The following KLRG1 variants were observed in gnomAD, a reference collection of about 807,000 sequenced individuals.
The protein encoded by KLRG1 is killer cell lectin-like receptor subfamily G member 1.
In KLRG1, 16 loss-of-function variants were observed where a neutral mutation model predicts 21.8. The observed-to-expected ratio is 0.73, with a 90% CI of 0.50 to 1.11. KLRG1 has a LOEUF of 1.11. Ranked by LOEUF, KLRG1 falls within the 50% of genes most tolerant of loss-of-function variation. The probability of loss-of-function intolerance (pLI) is 0.00; values close to 1 mark genes in which losing one functional copy is unlikely to be tolerated. For synonymous variants in KLRG1, 69 were observed against 75.9 expected (o/e 0.91, Z 0.47); for missense variants, 173 against 218.3 (o/e 0.79, Z 1.31).
chr12:9,080,575 T>C, the KLRG1 span, among the ~76,000 whole-genome samples: 1 of 152,164 alleles, frequency 6.6e-6, no homozygotes, highest in Non-Finnish European at 1.5e-5. Flanking sequence ...CAAAGCCCTA[T>C]AAGTATACAT....
At chr12:9,150,651 A>T in the KLRG1 span, 18 of 1,597,172 alleles carry the variant, frequency 1.1e-5, no homozygotes, top group East Asian at 3.3e-4. Flanking sequence ...CACCTGTCTC[A>T]TAGTAATCAT....
chr12:9,076,766 A>G, the KLRG1 span: 1 of 1,613,908 alleles, frequency 6.2e-7, no homozygotes. Context: ...CTTTCTTCAC[A>G]GCTTCCTCAT....
At chr12:9,084,779 A>G in the KLRG1 span, among the ~76,000 whole-genome samples, 2 of 152,178 alleles carry the variant, frequency 1.3e-5, no homozygotes, top group Non-Finnish European at 2.9e-5. Flanking sequence ...TGCTAATTAC[A>G]AGAGACTCAC....
the KLRG1 span, among the ~76,000 whole-genome samples, chr12:9,154,415 A>G: frequency 6.6e-6 from 1 of 152,230 alleles, no homozygotes; most frequent in Non-Finnish European, 1.5e-5. Context: ...CATGTTGCTA[A>G]TATATTAACA....
At chr12:9,196,914 G>A in the KLRG1 span, 1 of 977,804 alleles carries the variant, frequency 1.0e-6, no homozygotes, top group Admixed American at 2.2e-5. Flanking sequence ...GGGATATTTT[G>A]CGACAAGCTT....
At chr12:9,012,559 G>A (rs1324488541), downstream of KLRG1, among the ~76,000 whole-genome samples, 1 of 151,854 alleles carries the variant, frequency 6.6e-6, no homozygotes, top group Non-Finnish European at 1.5e-5. Flanking sequence ...GTTAGCTATG[G>A]TAGCCATGGG....
chr12:8,995,686 CTT>C (rs34680435), intron 3 of KLRG1, among the ~76,000 whole-genome samples: 231 of 141,392 alleles, frequency 1.6e-3, no homozygotes, highest in Middle Eastern at 7.2e-3. Context: ...GCAGCAGATT[CTT>C]TTTTTTTTTT....
the KLRG1 span, among the ~76,000 whole-genome samples, chr12:9,047,297 C>A: frequency 2.3e-4 from 35 of 152,156 alleles, no homozygotes; most frequent in Non-Finnish European, 4.4e-4. Context: ...GAGGTATTGG[C>A]TGTTCTCTCT....
the KLRG1 span, chr12:9,028,048 A>C: frequency 7.7e-7 from 1 of 1,301,774 alleles, no homozygotes; most frequent in Admixed American, 1.7e-5. Flanking sequence ...ACAAAGGCAA[A>C]GTCCCTTTTC....
the KLRG1 span, among the ~76,000 whole-genome samples, chr12:9,040,429 T>C: frequency 6.6e-6 from 1 of 152,236 alleles, no homozygotes; most frequent in African/African-American, 2.4e-5. Context: ...CACCATTTGA[T>C]GGTTTGGATC....
At chr12:9,098,761 G>T in the KLRG1 span, 6 of 1,612,122 alleles carry the variant, frequency 3.7e-6, no homozygotes, top group Non-Finnish European at 5.1e-6. Flanking sequence ...ATCCACCTGT[G>T]AAATTGGAAC....
the KLRG1 span, among the ~76,000 whole-genome samples, chr12:9,019,017 A>C: frequency 6.6e-6 from 1 of 152,246 alleles, no homozygotes; most frequent in African/African-American, 2.4e-5. Flanking sequence ...TTTGCAAACT[A>C]TCCATCTGAC....
the KLRG1 span, among the ~76,000 whole-genome samples, chr12:9,043,408 C>T: frequency 4.6e-5 from 7 of 152,034 alleles, no homozygotes; most frequent in Admixed American, 1.3e-4. Context: ...CAAATGTCTT[C>T]GGGTTGAGAT....
the KLRG1 span, among the ~76,000 whole-genome samples, chr12:9,103,831 G>A: frequency 6.6e-6 from 1 of 152,172 alleles, no homozygotes; most frequent in South Asian, 2.1e-4. Context: ...CATTTGGGTA[G>A]CCTCGATCTC....
At chr12:9,126,460 C>T in the KLRG1 span, among the ~76,000 whole-genome samples, 2 of 152,272 alleles carry the variant, frequency 1.3e-5, no homozygotes, top group East Asian at 3.9e-4. Context: ...ATAAACCAAG[C>T]GAGAGTCCTG....
the KLRG1 span, chr12:9,099,641 C>A: frequency 8.0e-7 from 1 of 1,251,856 alleles, no homozygotes; most frequent in East Asian, 2.6e-5. Flanking sequence ...TCTAAGGACT[C>A]TAGCTTTAGA....
chr12:9,135,434 T>C, the KLRG1 span: 1 of 357,292 alleles, frequency 2.8e-6, no homozygotes, highest in Middle Eastern at 6.6e-4. Flanking sequence ...TTGGAGAAGA[T>C]GGCTCCATCT....
At chr12:9,025,632 A>G in the KLRG1 span, among the ~76,000 whole-genome samples, 1 of 152,162 alleles carries the variant, frequency 6.6e-6, no homozygotes, top group African/African-American at 2.4e-5. Context: ...GTGAGACTTC[A>G]TCTCAAAAAA....
the KLRG1 span, chr12:9,167,374 T>G: frequency 6.6e-6 from 1 of 152,144 alleles, no homozygotes; most frequent in Non-Finnish European, 1.5e-5. Context: ...AGTCTCTGCA[T>G]CAAAGCTTTG....
Sources: allele counts gnomAD v4.1 joint callset (sites outside exome capture counted in the v4.1 genomes callset), GRCh38; gene constraint gnomAD v4.1.1; transcripts MANE v1.5; gene names NCBI Gene and HGNC (gene_info 2026-07-23, HGNC 2026-07-21).